TGFA: variants seen among roughly 807,000 people sequenced by gnomAD.
TGFA encodes the protein protransforming growth factor alpha.
TGFA carries 12 observed loss-of-function variants against 21.7 expected under a neutral mutation model. The observed-to-expected ratio is 0.55, with a 90% CI of 0.35 to 0.90. TGFA has a LOEUF of 0.90. Among genes scored for constraint, TGFA ranks in the 40% least tolerant of loss-of-function variants. The pLI is 0.01. For missense variants in TGFA, 178 were observed against 210.8 expected (o/e 0.84, Z 0.96); for synonymous variants, 79 against 88.1 (o/e 0.90, Z 0.58).
chr2:70,461,465 C>T (rs1434647326), intron 3 of TGFA, among the ~76,000 whole-genome samples: 1 of 152,194 alleles, frequency 6.6e-6, no homozygotes, highest in Non-Finnish European at 1.5e-5. Flanking sequence ...GTTCAGATTC[C>T]ACTGGAAGGG....
chr2:70,481,967 C>A (rs1425414806), intron 2 of TGFA, among the ~76,000 whole-genome samples: 6 of 152,144 alleles, frequency 3.9e-5, no homozygotes, highest in Admixed American at 3.3e-4. Flanking sequence ...CCTCTCAGAC[C>A]CTGTGTGGGA....
At chr2:70,531,935 C>T (rs140154779) in intron 1 of TGFA, among the ~76,000 whole-genome samples, 4 of 152,198 alleles carry the variant, frequency 2.6e-5, no homozygotes, top group Admixed American at 2.0e-4. Flanking sequence ...CACACCCACA[C>T]TCTCACATAC....
intron 1 of TGFA, chr2:70,553,210 A>G: frequency 6.5e-7 from 1 of 1,536,162 alleles, no homozygotes; most frequent in South Asian, 1.2e-5. Flanking sequence ...CTCTGAAAAG[A>G]GATCGAGGGC....
chr2:70,500,445 A>G lies in TGFA; in HGVS notation c.94+14414T>C, dbSNP rs189418916. ...CTACATTCACTCACAAAGTGATACT[A>G]CTTAAGCAGAGTTTAAAAAAAAAAA... On this transcript the variant is annotated intron_variant, in intron 2 of 5. Transcript: ENST00000295400. Among the ~76,000 whole-genome samples, 219 of 144,734 alleles carry G rather than the reference A, an allele frequency of 1.5e-3. 1 individual carries two copies. Among genetic ancestry groups the G allele is most frequent in the Non-Finnish European group, 2.8e-3 (188 of 67,434 alleles). 95.0% of individuals were successfully genotyped at this position (144,734 alleles called of 152,430 possible).
chr2:70,480,169 T>C (rs1671069347), intron 2 of TGFA, among the ~76,000 whole-genome samples: 1 of 152,238 alleles, frequency 6.6e-6, no homozygotes. Context: ...AAGAGTTTTC[T>C]CTTTTCCCCT....
chr2:70,547,955 G>A (rs1410285805), intron 1 of TGFA, among the ~76,000 whole-genome samples: 4 of 151,316 alleles, frequency 2.6e-5, no homozygotes, highest in Non-Finnish European at 5.9e-5. Flanking sequence ...ATCTTTCCAT[G>A]GTGGAATTAT....
chr2:70,546,618 C>T lies in TGFA; in HGVS notation c.40+7110G>A, dbSNP rs1255349376. 7.2e-5 allele frequency among the ~76,000 whole-genome samples: 11 copies of T among 152,166 alleles called. No individual in the cohort carries two copies. The East Asian group carries it at 1.4e-3, about 19-fold the overall frequency. On this transcript the variant is annotated intron_variant, in intron 1 of 5. Coordinates refer to ENST00000295400, the MANE Select transcript of TGFA (RefSeq NM_003236.4). The stretch of plus-strand genomic sequence containing the variant: ...CCTCCCAAGTAGCTGGGACTACAGG[C>T]ATGCACTACCACACCCCGCTAATTT...
At chr2:70,551,008 C>G (rs782330000) in intron 1 of TGFA, among the ~76,000 whole-genome samples, 1 of 152,126 alleles carries the variant, frequency 6.6e-6, no homozygotes, top group Non-Finnish European at 1.5e-5. Flanking sequence ...CAAACTCTCC[C>G]AGTTATACAA....
In TGFA at chr2:70,449,600, T is replaced by C; in HGVS notation, c.*1259A>G. The C allele has an allele frequency of 3.4e-6, 1 of 293,588 alleles. No individual in the cohort carries two copies. The highest frequency in any genetic ancestry group is 6.9e-6 in the Non-Finnish European group (1 of 144,224). The allele number at this position is 293,588 out of a possible 1,614,324, so 18.2% of individuals were successfully genotyped here. The stretch of plus-strand genomic sequence containing the variant: ...CATAGTGGAGGTGACTTGTTAGAGT[T>C]TTTGTTAATAAAGCCGGCATCCTGA... On this transcript the variant is annotated 3_prime_UTR_variant, in exon 6 of 6. Coordinates refer to ENST00000295400, the MANE Select transcript of TGFA (RefSeq NM_003236.4).
At chr2:70,483,200 A>G (rs142509945) in intron 2 of TGFA, among the ~76,000 whole-genome samples, 24 of 152,376 alleles carry the variant, frequency 1.6e-4, no homozygotes, top group Admixed American at 4.6e-4. Context: ...ACACTAAAAA[A>G]GAAGTAAAGT....
At chr2:70,454,202 G>A (rs150862462) in intron 4 of TGFA, among the ~76,000 whole-genome samples, 167 of 152,312 alleles carry the variant, frequency 1.1e-3, no homozygotes, top group African/African-American at 3.7e-3. Flanking sequence ...TGAGCCAGGT[G>A]GCAGAGATGA....
intron 1 of TGFA, among the ~76,000 whole-genome samples, chr2:70,551,800 A>G (rs1448212324): frequency 1.3e-5 from 2 of 152,002 alleles, no homozygotes; most frequent in African/African-American, 4.8e-5. Context: ...TTTATACATC[A>G]TTTTCTTAAA....
intron 2 of TGFA, among the ~76,000 whole-genome samples, chr2:70,504,463 T>TATATATATATATATATACAC (rs1224115401): frequency 2.0e-5 from 1 of 48,980 alleles, no homozygotes; most frequent in African/African-American, 1.0e-4. Flanking sequence ...TATATATATA[T>TATATATATATATATATACAC]ACACACATAC....
intron 5 of TGFA, 119 bp downstream of exon 5, chr2:70,453,099 A>G (rs535706823): frequency 2.2e-6 from 2 of 892,180 alleles, no homozygotes; most frequent in East Asian, 5.0e-5. Context: ...AGAATGAAAC[A>G]GTCTCTTCCT....
intron 2 of TGFA, among the ~76,000 whole-genome samples, chr2:70,489,531 C>T (rs1671365894): frequency 6.6e-6 from 1 of 152,172 alleles, no homozygotes; most frequent in Non-Finnish European, 1.5e-5. Flanking sequence ...TGCTCAAGGA[C>T]AAGAAAACCA....
At chr2:70,495,418 G>A (rs1025044547) in intron 2 of TGFA, among the ~76,000 whole-genome samples, 2 of 152,188 alleles carry the variant, frequency 1.3e-5, no homozygotes, top group Non-Finnish European at 2.9e-5. Context: ...GAATCATTTA[G>A]TTAAGTTCCC....
chr2:70,534,068 A>G (rs563803084), intron 1 of TGFA, among the ~76,000 whole-genome samples: 12 of 152,208 alleles, frequency 7.9e-5, no homozygotes, highest in Non-Finnish European at 1.2e-4. Flanking sequence ...CCCGAACCAG[A>G]TACTGAAGTG....
chr2:70,508,305 C>T (rs868924328), intron 2 of TGFA, among the ~76,000 whole-genome samples: 3 of 152,098 alleles, frequency 2.0e-5, no homozygotes, highest in Admixed American at 6.5e-5. Flanking sequence ...ATTAGCTGGG[C>T]GTGGTAGCCG....
chr2:70,488,364 A>G (rs2103777565), intron 2 of TGFA, among the ~76,000 whole-genome samples: 1 of 152,352 alleles, frequency 6.6e-6, no homozygotes, highest in African/African-American at 2.4e-5. Flanking sequence ...TAAACCATCT[A>G]TATTTAGTGC....
Sources: allele counts gnomAD v4.1 joint callset (sites outside exome capture counted in the v4.1 genomes callset), GRCh38; gene constraint gnomAD v4.1.1; transcripts MANE v1.5; gene names NCBI Gene and HGNC (gene_info 2026-07-23, HGNC 2026-07-21).